The following ZNF385B variants were observed in gnomAD, a reference collection of about 807,000 sequenced individuals.
ZNF385B encodes zinc finger protein 385B, also known as zinc finger protein 533.
A neutral mutation model predicts 39.2 loss-of-function variants in ZNF385B; 23 were observed. That is an observed-to-expected ratio of 0.59 (90% CI 0.42 to 0.83). The LOEUF (loss-of-function observed/expected upper bound fraction) is 0.83. Ranked by LOEUF, ZNF385B falls within the 40% of genes least tolerant of loss-of-function variation. The pLI is 0.00. For synonymous variants in ZNF385B, 205 were observed against 222.6 expected (o/e 0.92, Z 0.70); for missense variants, 552 against 598.9 (o/e 0.92, Z 0.82).
chr2:179,740,012 A>C (rs891438852), intron 3 of ZNF385B, among the ~76,000 whole-genome samples: 3 of 152,172 alleles, frequency 2.0e-5, no homozygotes, highest in Non-Finnish European at 4.4e-5. Flanking sequence ...AAAAATACAG[A>C]AAGTATGGAA....
At chr2:179,843,177 T>C (rs1331345314) in intron 1 of ZNF385B, among the ~76,000 whole-genome samples, 1 of 152,210 alleles carries the variant, frequency 6.6e-6, no homozygotes, top group Non-Finnish European at 1.5e-5. Flanking sequence ...AAGGGGCCTC[T>C]AACACACCAA....
intron 3 of ZNF385B, among the ~76,000 whole-genome samples, chr2:179,694,871 A>T (rs965017359): frequency 2.6e-5 from 4 of 152,022 alleles, no homozygotes; most frequent in African/African-American, 9.7e-5. Context: ...TGGAGGTTGC[A>T]GTGAGCCGAG....
At chr2:179,485,541 C>T (rs1209355292) in intron 5 of ZNF385B, among the ~76,000 whole-genome samples, 1 of 152,108 alleles carries the variant, frequency 6.6e-6, no homozygotes, top group Non-Finnish European at 1.5e-5. Flanking sequence ...ACTTCCAGAT[C>T]TTGGTGGGTG....
At chr2:179,796,214 G>C (rs1295230306) in intron 1 of ZNF385B, 1 of 152,158 alleles carries the variant, frequency 6.6e-6, no homozygotes, top group African/African-American at 2.4e-5. Context: ...CTCACCTGGG[G>C]ATGACTTATG....
At chr2:179,464,051 C>A (rs553024787) in intron 6 of ZNF385B, among the ~76,000 whole-genome samples, 3 of 152,002 alleles carry the variant, frequency 2.0e-5, no homozygotes, top group Non-Finnish European at 2.9e-5. Context: ...TTCTAACTGG[C>A]GTGAGATGGT....
intron 3 of ZNF385B, among the ~76,000 whole-genome samples, chr2:179,734,727 T>C (rs917454950): frequency 1.4e-4 from 22 of 152,190 alleles, no homozygotes; most frequent in African/African-American, 4.6e-4. Context: ...GAGAAAGATA[T>C]TGTAAAATAA....
At chr2:179,681,999 A>G (rs1697557025) in intron 3 of ZNF385B, among the ~76,000 whole-genome samples, 1 of 152,236 alleles carries the variant, frequency 6.6e-6, no homozygotes. Flanking sequence ...GGCTGGGCAA[A>G]CCAATAATAC....
chr2:179,605,169 A>AT (rs1333428339), intron 3 of ZNF385B, among the ~76,000 whole-genome samples: 4 of 152,268 alleles, frequency 2.6e-5, no homozygotes, highest in Admixed American at 6.5e-5. Flanking sequence ...TTAATAACAG[A>AT]TTTTTTATAG....
At chr2:179,765,372 T>C (rs1009166573) in intron 3 of ZNF385B, among the ~76,000 whole-genome samples, 1 of 152,190 alleles carries the variant, frequency 6.6e-6, no homozygotes. Flanking sequence ...GGAGTGACTT[T>C]CCCCAGAGCT....
intron 3 of ZNF385B, among the ~76,000 whole-genome samples, chr2:179,629,072 G>A (rs1199506404): frequency 6.6e-6 from 1 of 152,080 alleles, no homozygotes; most frequent in East Asian, 1.9e-4. Context: ...CATGACCCCA[G>A]TATTTCTGAT....
chr2:179,487,220 A>G (rs187521379), intron 5 of ZNF385B, among the ~76,000 whole-genome samples: 1 of 152,040 alleles, frequency 6.6e-6, no homozygotes, highest in African/African-American at 2.4e-5. Context: ...GATGGAAAAA[A>G]CTCTCCATAG....
chr2:179,833,858 G>A (rs533973068), intron 1 of ZNF385B, among the ~76,000 whole-genome samples: 7 of 152,200 alleles, frequency 4.6e-5, no homozygotes, highest in South Asian at 2.1e-4. Context: ...TGGACATAGC[G>A]TATGACTTTA....
At chr2:179,814,891 GTA>G (rs1303058925) in intron 1 of ZNF385B, among the ~76,000 whole-genome samples, 1 of 152,160 alleles carries the variant, frequency 6.6e-6, no homozygotes, top group African/African-American at 2.4e-5. Flanking sequence ...TTTTAAAAGT[GTA>G]TATATAGTTG....
At chr2:179,840,946 A>G (rs1235070023) in intron 1 of ZNF385B, among the ~76,000 whole-genome samples, 3 of 152,286 alleles carry the variant, frequency 2.0e-5, no homozygotes, top group Admixed American at 1.3e-4. Context: ...GAATGCTTAC[A>G]TGACTTGGGA....
chr2:179,653,136 G>A (rs1478586303), intron 3 of ZNF385B, among the ~76,000 whole-genome samples: 1 of 152,166 alleles, frequency 6.6e-6, no homozygotes, highest in Non-Finnish European at 1.5e-5. Flanking sequence ...AGCTGGTGCT[G>A]CTATAGACAG....
At chr2:179,541,336 C>T (rs1324937602) in intron 4 of ZNF385B, among the ~76,000 whole-genome samples, 3 of 152,142 alleles carry the variant, frequency 2.0e-5, no homozygotes, top group Non-Finnish European at 4.4e-5. Context: ...ATAGAACAGG[C>T]ATCTGTTCTA....
chr2:179,690,785 T>G (rs1191637255), intron 3 of ZNF385B, among the ~76,000 whole-genome samples: 1 of 152,218 alleles, frequency 6.6e-6, no homozygotes, highest in Non-Finnish European at 1.5e-5. Flanking sequence ...AATGAAATCA[T>G]GCTTGCTCAC....
At position 179,683,273 on chromosome 2, in the gene ZNF385B, G is replaced by A. The variant is rs144875133; in HGVS notation, c.298+86230C>T. ...GATGTGGTAGCTGGCACCTGTAATC[G>A]CAGCTACTCAGGAGGCTGAGGCACG... On this transcript the variant is annotated intron_variant, in intron 3 of 9. Transcript: ENST00000410066. Among the ~76,000 whole-genome samples the A allele has an allele frequency of 2.9e-3, 445 of 151,802 alleles. 3 individuals are homozygous for A. Among genetic ancestry groups the A allele is most frequent in the African/African-American group, 0.01 (427 of 41,410 alleles).
intron 3 of ZNF385B, among the ~76,000 whole-genome samples, chr2:179,706,617 G>T (rs886083916): frequency 3.3e-5 from 5 of 152,170 alleles, no homozygotes; most frequent in African/African-American, 1.2e-4. Flanking sequence ...CCCACCGCAT[G>T]AGTACAGGGA....
Sources: allele counts gnomAD v4.1 joint callset (sites outside exome capture counted in the v4.1 genomes callset), GRCh38; gene constraint gnomAD v4.1.1; transcripts MANE v1.5; gene names NCBI Gene and HGNC (gene_info 2026-07-23, HGNC 2026-07-21).